IP6K1: variants seen among roughly 807,000 people sequenced by gnomAD.
IP6K1 encodes ATP:1D-myo-inositol-hexakisphosphate phosphotransferase.
A neutral mutation model predicts 38.3 loss-of-function variants in IP6K1; 13 were observed. The ratio of observed to expected loss-of-function variants is 0.34; its 90% CI spans 0.22 to 0.54. The LOEUF is 0.54. Among genes scored for constraint, IP6K1 ranks in the 20% least tolerant of loss-of-function variants. The pLI, the probability that IP6K1 is intolerant of heterozygous loss-of-function variation, is 0.92. For missense variants in IP6K1, 397 were observed against 599.8 expected (o/e 0.66, Z 3.53); for synonymous variants, 212 against 229.9 (o/e 0.92, Z 0.70).
In IP6K1 at chr3:49,727,056, C is replaced by G; in HGVS notation, c.*66G>C. 2 of 1,460,934 alleles carry G rather than the reference C, an allele frequency of 1.4e-6. No individual in the cohort carries two copies. The highest frequency in any genetic ancestry group is 4.6e-5 in the East Asian group (2 of 43,712). 90.5% of individuals were successfully genotyped at this position (1,460,934 alleles called of 1,614,324 possible). On this transcript the variant is annotated 3_prime_UTR_variant, in exon 6 of 6. Transcript: ENST00000321599. The surrounding 1 kb of genome is among the most constrained non-coding windows in gnomAD (Gnocchi z 5.9). ...AAAGCAAGTCTGTGTGTCCTCACGG[C>G]AAGTTCAGAACAATGGTCCCTGCCT... is the stretch of plus-strand genomic sequence containing the variant.
intron 1 of IP6K1, chr3:49,785,381 C>CT (rs2081103578): frequency 6.6e-6 from 1 of 152,324 alleles, no homozygotes; most frequent in African/African-American, 2.4e-5. Flanking sequence ...TGGCGCGTGT[C>CT]TGTAGTCCTA....
At chr3:49,755,247 T>A (rs1195623940) in intron 1 of IP6K1, among the ~76,000 whole-genome samples, 1 of 152,066 alleles carries the variant, frequency 6.6e-6, no homozygotes, top group Admixed American at 6.6e-5. Context: ...ACATTTGCAA[T>A]GTTTTTATAG....
chr3:49,756,680 G>T (rs2108245081), intron 1 of IP6K1, among the ~76,000 whole-genome samples: 1 of 152,130 alleles, frequency 6.6e-6, no homozygotes, highest in South Asian at 2.1e-4. Flanking sequence ...GCCAGGCATG[G>T]TGGTGGGTGC....
intron 1 of IP6K1, among the ~76,000 whole-genome samples, chr3:49,760,551 G>A (rs2080859172): frequency 6.6e-6 from 1 of 151,216 alleles, no homozygotes; most frequent in South Asian, 2.1e-4. Context: ...TTGAACCCGG[G>A]AGGCAGAGGT....
At position 49,738,342 on chromosome 3, in the gene IP6K1, C is replaced by T. The variant is rs1331814295; in HGVS notation, c.304G>A (p.Val102Met). The change falls in exon 3 of 6, where the codon GTG becomes ATG. Residue 102 changes from valine to methionine, a missense_variant. Around this residue, in one of 3 missense-constraint regions of IP6K1, gnomAD observed 171 missense variants for 237.0 expected, o/e 0.72. Coordinates refer to ENST00000321599, the MANE Select transcript of IP6K1 (RefSeq NM_153273.4). ...CGTTCTGTTGTGTCATCCTGTTCCA[C>T]AGTCTCACTTTCCACATAAGGATAG... The part of the protein sequence containing the change: ...VAYPYVESET[V>M]EQDDTTEREQ... 1 of 1,614,200 alleles carries T rather than the reference C, an allele frequency of 6.2e-7. No individual in the cohort carries two copies. The highest frequency in any genetic ancestry group is 1.7e-5 in the Admixed American group (1 of 60,020).
chr3:49,737,389 A>C (rs1180916636), intron 3 of IP6K1, among the ~76,000 whole-genome samples: 1 of 152,162 alleles, frequency 6.6e-6, no homozygotes, highest in Non-Finnish European at 1.5e-5. Context: ...TGAAATTATC[A>C]AGACACATAA....
At chr3:49,750,493 A>G (rs888583504) in intron 1 of IP6K1, among the ~76,000 whole-genome samples, 2 of 152,048 alleles carry the variant, frequency 1.3e-5, no homozygotes, top group Non-Finnish European at 2.9e-5. Flanking sequence ...TCAGGAGTTC[A>G]AGACCAGCCT....
chr3:49,726,957 T>G lies in IP6K1; in HGVS notation c.*165A>C. The G allele has an allele frequency of 4.2e-6, 3 of 707,598 alleles. No homozygotes were observed. Among genetic ancestry groups the G allele is most frequent in the Non-Finnish European group, 6.8e-6 (3 of 439,550 alleles). The allele number at this position is 707,598 out of a possible 1,614,324, so 43.8% of individuals were successfully genotyped here. On this transcript the variant is annotated 3_prime_UTR_variant, in exon 6 of 6. Transcript: ENST00000321599. ...GGCGTGTGGTCTGCCCTCCTTCACTTTATATATATGGATTCCAGGCTACAG... is the reference window on the plus strand; with the variant it reads ...GGCGTGTGGTCTGCCCTCCTTCACTGTATATATATGGATTCCAGGCTACAG...
At chr3:49,782,877 A>AG (rs1265913967) in intron 1 of IP6K1, among the ~76,000 whole-genome samples, 5 of 150,312 alleles carry the variant, frequency 3.3e-5, no homozygotes, top group African/African-American at 1.2e-4. Flanking sequence ...TGGGAGGCCA[A>AG]GGTGGGTGGA....
chr3:49,752,345 G>A (rs1174919661), intron 1 of IP6K1, among the ~76,000 whole-genome samples: 1 of 151,954 alleles, frequency 6.6e-6, no homozygotes. Context: ...AAAATTAGAC[G>A]GGTGTGGTGG....
intron 1 of IP6K1, among the ~76,000 whole-genome samples, chr3:49,765,633 C>T (rs1273345390): frequency 7.7e-6 from 1 of 129,162 alleles, no homozygotes; most frequent in Non-Finnish European, 1.6e-5. Context: ...GGCAACAGAG[C>T]GAGACTCGTC....
intron 1 of IP6K1, among the ~76,000 whole-genome samples, chr3:49,779,372 G>A (rs1201792660): frequency 6.6e-6 from 1 of 152,164 alleles, no homozygotes; most frequent in Non-Finnish European, 1.5e-5. Flanking sequence ...GTCAGTTGAT[G>A]GACATTTGGG....
At chr3:49,755,097 T>A (rs1010287986) in intron 1 of IP6K1, among the ~76,000 whole-genome samples, 114 of 103,742 alleles carry the variant, frequency 1.1e-3, no homozygotes, top group Non-Finnish European at 2.1e-3. Context: ...CAAGCCTGGC[T>A]TTTTTTTTTT....
intron 1 of IP6K1, among the ~76,000 whole-genome samples, chr3:49,764,614 C>T (rs1190900551): frequency 6.6e-6 from 1 of 152,054 alleles, no homozygotes; most frequent in Non-Finnish European, 1.5e-5. Context: ...TGTGGTGGCT[C>T]ATGCCTGTAA....
At chr3:49,784,350 G>A (rs1421206441) in intron 1 of IP6K1, among the ~76,000 whole-genome samples, 1 of 152,038 alleles carries the variant, frequency 6.6e-6, no homozygotes, top group African/African-American at 2.4e-5. Flanking sequence ...AGTGCACAAA[G>A]TAGGCTAGGC....
At chr3:49,777,426 G>A (rs929769847) in intron 1 of IP6K1, among the ~76,000 whole-genome samples, 1 of 151,666 alleles carries the variant, frequency 6.6e-6, no homozygotes, top group African/African-American at 2.4e-5. Flanking sequence ...AGCCGGGCGT[G>A]GTGGCACATG....
chr3:49,739,792 C>A (rs1458475018), intron 2 of IP6K1, among the ~76,000 whole-genome samples: 4 of 151,866 alleles, frequency 2.6e-5, no homozygotes, highest in African/African-American at 9.7e-5. Flanking sequence ...TAGCTGGGAC[C>A]TCACCTGAGA....
intron 1 of IP6K1, among the ~76,000 whole-genome samples, chr3:49,770,107 G>A (rs2080944440): frequency 6.6e-6 from 1 of 152,100 alleles, no homozygotes; most frequent in Non-Finnish European, 1.5e-5. Context: ...GCTGAGTTGG[G>A]AGGATCACTC....
At chr3:49,785,068 G>A (rs1372971357) in intron 1 of IP6K1, among the ~76,000 whole-genome samples, 1 of 152,176 alleles carries the variant, frequency 6.6e-6, no homozygotes, top group Non-Finnish European at 1.5e-5. Context: ...GAACCAAAGA[G>A]GCCACAGGTC....
Sources: allele counts gnomAD v4.1 joint callset (sites outside exome capture counted in the v4.1 genomes callset), GRCh38; gene constraint gnomAD v4.1.1; regional missense constraint gnomAD v4.1.1; non-coding constraint Gnocchi (gnomAD v3.1); transcripts MANE v1.5; gene names NCBI Gene and HGNC (gene_info 2026-07-23, HGNC 2026-07-21).